Variants in ANO4 observed in about 807,000 individuals in gnomAD.
ANO4 encodes anoctamin 4.
In ANO4, 69 loss-of-function variants were observed where a neutral mutation model predicts 141.9. The observed-to-expected ratio is 0.49, with a 90% CI of 0.40 to 0.59. The LOEUF (loss-of-function observed/expected upper bound fraction) is 0.59. ANO4 is among the 20% of genes least tolerant of loss of function. ANO4 has a pLI of 0.00. For missense variants in ANO4, 894 were observed against 1,162.2 expected, an observed-to-expected ratio of 0.77 and a Z score of 3.36; for synonymous variants, 350 against 394.3, an observed-to-expected ratio of 0.89 and a Z score of 1.33.
At chr12:100,881,183 T>G (rs1304632277) in intron 1 of ANO4, among the ~76,000 whole-genome samples, 2 of 151,838 alleles carry the variant, frequency 1.3e-5, no homozygotes, top group East Asian at 3.9e-4. Flanking sequence ...TACCTAATGC[T>G]AAATGACGAG....
intron 3 of ANO4, among the ~76,000 whole-genome samples, chr12:100,933,298 T>C (rs1004566724): frequency 1.3e-5 from 2 of 151,974 alleles, no homozygotes; most frequent in African/African-American, 2.4e-5. Flanking sequence ...GGCCCCGGTG[T>C]GTGATGTTCC....
chr12:100,762,982 T>C (rs920594715), intron 3 of ANO4, among the ~76,000 whole-genome samples: 1 of 152,150 alleles, frequency 6.6e-6, no homozygotes, highest in Non-Finnish European at 1.5e-5. Flanking sequence ...GATGAGATAT[T>C]GGTTTCATTT....
rs536067131 is a variant in ANO4 at position 101,071,424 on chromosome 12, G to T, written c.1313-7769G>T. On this transcript the variant is annotated intron_variant, in intron 14 of 27. Coordinates refer to ENST00000392977, the MANE Select transcript of ANO4 (RefSeq NM_001286615.2). ...TCATTATGTTAAGCGACATAAGCCA[G>T]GCACAGAAAGACAAACTTCACATGT... Among the ~76,000 whole-genome samples, 5 of 151,210 alleles carry T rather than the reference G, an allele frequency of 3.3e-5. No individual in the cohort carries two copies. The South Asian group carries it at 1.0e-3, about 32-fold the overall frequency.
chr12:100,835,859 A>G (rs1018131332), intron 1 of ANO4, among the ~76,000 whole-genome samples: 1 of 152,126 alleles, frequency 6.6e-6, no homozygotes, highest in East Asian at 1.9e-4. Flanking sequence ...GACTTCTTGA[A>G]TTGTGAAGTG....
At chr12:101,098,717 G>A (rs1288629581) in intron 21 of ANO4, among the ~76,000 whole-genome samples, 2 of 152,106 alleles carry the variant, frequency 1.3e-5, no homozygotes, top group African/African-American at 4.8e-5. Flanking sequence ...TATCAGTGTT[G>A]TATTCTACTT....
intron 1 of ANO4, among the ~76,000 whole-genome samples, chr12:100,825,738 A>G (rs1291722940): frequency 6.6e-6 from 1 of 152,096 alleles, no homozygotes; most frequent in East Asian, 1.9e-4. Flanking sequence ...CATAATTAAC[A>G]CTAATACCAT....
intron 2 of ANO4, among the ~76,000 whole-genome samples, chr12:100,902,262 C>T (rs1473449047): frequency 6.6e-6 from 1 of 152,178 alleles, no homozygotes; most frequent in Non-Finnish European, 1.5e-5. Context: ...CCACATCCTC[C>T]TGAGATCAGG....
At chr12:101,115,977 C>A (rs1410204326) in intron 24 of ANO4, among the ~76,000 whole-genome samples, 1 of 152,126 alleles carries the variant, frequency 6.6e-6, no homozygotes, top group African/African-American at 2.4e-5. Flanking sequence ...TACATATATG[C>A]TGCCAACTCT....
chr12:100,850,112 C>T (rs545890252), intron 1 of ANO4, among the ~76,000 whole-genome samples: 8 of 152,196 alleles, frequency 5.3e-5, no homozygotes, highest in Admixed American at 2.0e-4. Context: ...TTAAATTAAT[C>T]GTTTATTTAG....
chr12:100,741,299 G>C (rs7295830), intron 3 of ANO4, among the ~76,000 whole-genome samples: 38,960 of 151,964 alleles, frequency 0.26, 5,277 homozygotes, highest in East Asian at 0.47. Context: ...ATTTATAGAT[G>C]CTGCCACCTA....
intron 8 of ANO4, among the ~76,000 whole-genome samples, chr12:101,018,437 C>T (rs990658023): frequency 2.6e-5 from 4 of 152,164 alleles, no homozygotes; most frequent in African/African-American, 9.7e-5. Context: ...AAAAATACTT[C>T]GGTAAATCAG....
intron 8 of ANO4, among the ~76,000 whole-genome samples, chr12:101,012,162 C>T (rs2046124143): frequency 6.6e-6 from 1 of 152,070 alleles, no homozygotes; most frequent in African/African-American, 2.4e-5. Context: ...CTATGGGAAT[C>T]ACATGATTTA....
chr12:100,970,542 AC>A (rs1225277179), intron 5 of ANO4, among the ~76,000 whole-genome samples: 1 of 151,666 alleles, frequency 6.6e-6, no homozygotes, highest in African/African-American at 2.4e-5. Context: ...ACTTTCCTTG[AC>A]CCCTTGTCCA....
chr12:100,772,126 A>G (rs1245647826), intron 3 of ANO4, among the ~76,000 whole-genome samples: 1 of 152,160 alleles, frequency 6.6e-6, no homozygotes, highest in Non-Finnish European at 1.5e-5. Flanking sequence ...CCTGTCATAG[A>G]TATAGTAGGT....
At chr12:100,985,304 G>A (rs73375075) in intron 7 of ANO4, among the ~76,000 whole-genome samples, 4 of 152,110 alleles carry the variant, frequency 2.6e-5, no homozygotes, top group African/African-American at 4.8e-5. Context: ...AATGTTAAGC[G>A]GCAAGCTGGT....
At chr12:100,760,763 T>C (rs2032822773) in intron 3 of ANO4, among the ~76,000 whole-genome samples, 1 of 152,344 alleles carries the variant, frequency 6.6e-6, no homozygotes, top group Non-Finnish European at 1.5e-5. Context: ...GGAAGATTTC[T>C]ATACATCGTC....
chr12:101,110,627 A>C, intron 23 of ANO4, 71 bp downstream of exon 23: 1 of 1,301,054 alleles, frequency 7.7e-7, no homozygotes, highest in Non-Finnish European at 1.0e-6. Flanking sequence ...AAAAGCCACA[A>C]ACTTTAGATT....
chr12:100,907,631 A>G (rs2136051360), intron 2 of ANO4, among the ~76,000 whole-genome samples: 1 of 152,336 alleles, frequency 6.6e-6, no homozygotes, highest in Middle Eastern at 3.4e-3. Flanking sequence ...TGTTCTACTC[A>G]GCAGATATAG....
chr12:101,044,822 T>C (rs2047556772), intron 13 of ANO4, among the ~76,000 whole-genome samples: 1 of 152,144 alleles, frequency 6.6e-6, no homozygotes, highest in Admixed American at 6.5e-5. Flanking sequence ...TAGGAAACAC[T>C]CAGATAGACC....
Sources: allele counts gnomAD v4.1 joint callset (sites outside exome capture counted in the v4.1 genomes callset), GRCh38; gene constraint gnomAD v4.1.1; transcripts MANE v1.5; gene names NCBI Gene and HGNC (gene_info 2026-07-23, HGNC 2026-07-21).